The following SGCG variants were observed in gnomAD, a reference collection of about 807,000 sequenced individuals.
SGCG encodes the protein sarcoglycan gamma.
Under a neutral mutation model 29.3 loss-of-function variants are expected in SGCG, and 26 were observed. That is an observed-to-expected ratio of 0.89 (90% CI 0.65 to 1.23). The LOEUF is 1.23. Among genes scored for constraint, SGCG ranks in the 50% most tolerant of loss-of-function variants. The pLI is 0.00. For missense variants in SGCG, 353 were observed against 356.0 expected (o/e 0.99, Z 0.07); for synonymous variants, 145 against 129.7 (o/e 1.12, Z -0.80).
At chr13:23,298,493 A>T (rs2137650067) in intron 6 of SGCG, among the ~76,000 whole-genome samples, 1 of 152,358 alleles carries the variant, frequency 6.6e-6, no homozygotes, top group Middle Eastern at 3.4e-3. Flanking sequence ...AGTTCAATTT[A>T]TCTTACCCAC....
chr13:23,276,212 AAGTT>A (rs1390504507), intron 4 of SGCG, among the ~76,000 whole-genome samples: 1 of 152,066 alleles, frequency 6.6e-6, no homozygotes, highest in Non-Finnish European at 1.5e-5. Flanking sequence ...ATATTAATAA[AAGTT>A]AGAAGATTAA....
upstream of SGCG, among the ~76,000 whole-genome samples, chr13:23,177,469 C>T (rs1423712321): frequency 6.7e-6 from 1 of 150,180 alleles, no homozygotes; most frequent in Non-Finnish European, 1.5e-5. Context: ...TTAATGTATA[C>T]ATGTATTGAA....
intron 4 of SGCG, among the ~76,000 whole-genome samples, chr13:23,270,034 C>T (rs570124747): frequency 9.2e-5 from 14 of 152,040 alleles, no homozygotes; most frequent in East Asian, 3.9e-4. Flanking sequence ...GCCACCATGC[C>T]GGGCTAATTT....
intron 6 of SGCG, among the ~76,000 whole-genome samples, chr13:23,310,382 G>A (rs527431686): frequency 0.07 from 10,643 of 152,014 alleles, 1,277 homozygotes; most frequent in African/African-American, 0.24. Flanking sequence ...CACCGCGCCG[G>A]GCCTGAATTC....
chr13:23,189,522 G>A (rs1220986014), intron 1 of SGCG, among the ~76,000 whole-genome samples: 1 of 152,094 alleles, frequency 6.6e-6, no homozygotes, highest in Non-Finnish European at 1.5e-5. Flanking sequence ...CCCTACTTGT[G>A]TTATTTCTGT....
chr13:23,203,890 G>C lies in SGCG; in HGVS notation c.195+1G>C, dbSNP rs200502077. The C allele has an allele frequency of 5.0e-6, 8 of 1,592,816 alleles. No individual in the cohort carries two copies. The African/African-American group carries it at 1.1e-4, about 21-fold the overall frequency. ...TCTTAAAGTGATGTGGTTTTCTCCAGTAAGTATCATTATTTTCTGGTAAGC... is the reference window on the plus strand; with the variant it reads ...TCTTAAAGTGATGTGGTTTTCTCCACTAAGTATCATTATTTTCTGGTAAGC... On this transcript the variant is annotated splice_donor_variant, in intron 2 of 7. Transcript: ENST00000218867. LOFTEE classifies it high-confidence loss of function.
chr13:23,195,057 T>C (rs950115791), intron 1 of SGCG, among the ~76,000 whole-genome samples: 3 of 152,166 alleles, frequency 2.0e-5, no homozygotes, highest in African/African-American at 7.2e-5. Context: ...AAGTCAGAGA[T>C]TGAGGGTAGG....
Position 23,272,084 on chromosome 13 carries a change from A to G in SGCG, c.386-7275A>G, listed in dbSNP as rs533006854. Among the ~76,000 whole-genome samples, 19 of 152,322 alleles carry G rather than the reference A, an allele frequency of 1.2e-4. No individual in the cohort carries two copies. In the East Asian group the frequency reaches 2.5e-3, roughly 20 times the overall value. ...GACTTTGGGGTTTGTCAGATACACT[A>G]TTATATCATCTGCAAATATACAATG... is the stretch of plus-strand genomic sequence containing the variant. On this transcript the variant is annotated intron_variant, in intron 4 of 7. Coordinates refer to ENST00000218867, the MANE Select transcript of SGCG (RefSeq NM_000231.3).
chr13:23,324,542 G>A lies in SGCG; in HGVS notation c.*1G>A. 2 of 1,609,850 alleles carry A rather than the reference G, an allele frequency of 1.2e-6. No homozygotes were observed. Among genetic ancestry groups the A allele is most frequent in the South Asian group, 2.2e-5 (2 of 90,994 alleles). On this transcript the variant is annotated 3_prime_UTR_variant, in exon 8 of 8. Transcript: ENST00000218867. ...GGAGCACAACCACATCTGCCTCTGA[G>A]CTGCCTGCGTCCTCTCGGTGAGCTG...
At chr13:23,190,699 G>A (rs1034477610) in intron 1 of SGCG, among the ~76,000 whole-genome samples, 3 of 152,086 alleles carry the variant, frequency 2.0e-5, no homozygotes, top group African/African-American at 7.2e-5. Flanking sequence ...TCTTGTAATT[G>A]ACCCACTATA....
chr13:23,195,243 A>G (rs1372836320), intron 1 of SGCG, among the ~76,000 whole-genome samples: 1 of 152,208 alleles, frequency 6.6e-6, no homozygotes, highest in Non-Finnish European at 1.5e-5. Context: ...TACTAACCTA[A>G]TGACACCATA....
chr13:23,241,734 A>G (rs1363869056), intron 3 of SGCG, among the ~76,000 whole-genome samples: 1 of 152,196 alleles, frequency 6.6e-6, no homozygotes, highest in Non-Finnish European at 1.5e-5. Context: ...AATACTAGCA[A>G]ACCAAATACA....
At chr13:23,206,184 C>T (rs1490379961) in intron 2 of SGCG, among the ~76,000 whole-genome samples, 3 of 152,188 alleles carry the variant, frequency 2.0e-5, no homozygotes, top group Non-Finnish European at 4.4e-5. Flanking sequence ...ACAATTAACA[C>T]AAGATCTGCC....
rs1349715783 is a variant in SGCG, at chr13:23,192,816, A to G, written c.1-10879A>G. ...ACATGGAAATCTATTTGACCAATAC[A>G]TTGTGGATGAGGATATACTTTATTC... On this transcript the variant is annotated intron_variant, in intron 1 of 7. Transcript: ENST00000218867. Among the ~76,000 whole-genome samples the G allele has an allele frequency of 3.3e-5, 5 of 152,352 alleles. No individual in the cohort carries two copies. In the South Asian group the frequency reaches 6.2e-4, roughly 19 times the overall value.
intron 4 of SGCG, among the ~76,000 whole-genome samples, chr13:23,276,183 T>TA (rs755015040): frequency 4.0e-4 from 59 of 148,128 alleles, no homozygotes; most frequent in South Asian, 6.4e-4. Flanking sequence ...CCAACTAGGT[T>TA]AAAAAAAAAA....
intron 1 of SGCG, among the ~76,000 whole-genome samples, chr13:23,188,115 A>G (rs1441286950): frequency 2.6e-5 from 4 of 152,184 alleles, no homozygotes. Context: ...TTCCAAGGCC[A>G]GAACCTGAAG....
At chr13:23,255,643 G>C (rs968518950) in intron 4 of SGCG, among the ~76,000 whole-genome samples, 1 of 152,128 alleles carries the variant, frequency 6.6e-6, no homozygotes, top group African/African-American at 2.4e-5. Context: ...CTCATGATTG[G>C]TTTAGTGCCA....
At chr13:23,198,063 T>C (rs1877582109) in intron 1 of SGCG, among the ~76,000 whole-genome samples, 1 of 152,222 alleles carries the variant, frequency 6.6e-6, no homozygotes, top group Non-Finnish European at 1.5e-5. Context: ...AAAAGTGGCA[T>C]ACCAAAGTCA....
At chr13:23,240,440 T>C (rs929070943) in intron 3 of SGCG, among the ~76,000 whole-genome samples, 12 of 152,196 alleles carry the variant, frequency 7.9e-5, no homozygotes, top group African/African-American at 2.7e-4. Flanking sequence ...AGTAAGCATA[T>C]AGACTTGAAC....
Sources: allele counts gnomAD v4.1 joint callset (sites outside exome capture counted in the v4.1 genomes callset), GRCh38; gene constraint gnomAD v4.1.1; transcripts MANE v1.5; gene names NCBI Gene and HGNC (gene_info 2026-07-23, HGNC 2026-07-21).